KDM4C: variants seen among roughly 807,000 people sequenced by gnomAD.
The protein encoded by KDM4C is lysine demethylase 4C.
In KDM4C, 81 loss-of-function variants were observed where a neutral mutation model predicts 129.3. The observed-to-expected ratio is 0.63, with a 90% CI of 0.52 to 0.75. The LOEUF (loss-of-function observed/expected upper bound fraction) is 0.75, where lower values mean the gene tolerates loss of function less well. Ranked by LOEUF, KDM4C falls within the 30% of genes least tolerant of loss-of-function variation. The probability of loss-of-function intolerance (pLI) is 0.00; values close to 1 mark genes in which losing one functional copy is unlikely to be tolerated. For synonymous variants in KDM4C, 573 were observed against 456.1 expected (o/e 1.26, Z -3.26); for missense variants, 1,457 against 1,304.0 (o/e 1.12, Z -1.81).
intron 12 of KDM4C, among the ~76,000 whole-genome samples, chr9:7,006,220 C>T (rs1821646434): frequency 6.6e-6 from 1 of 152,140 alleles, no homozygotes; most frequent in African/African-American, 2.4e-5. Context: ...TTAAGATACT[C>T]AAAGTGAATT....
chr9:7,052,035 C>T (rs72703359), intron 17 of KDM4C, among the ~76,000 whole-genome samples: 1 of 152,070 alleles, frequency 6.6e-6, no homozygotes, highest in Non-Finnish European at 1.5e-5. Flanking sequence ...AAGATATAGA[C>T]AGAAAGAGAA....
intron 4 of KDM4C, chr9:6,835,103 A>G (rs576114385): frequency 2.7e-4 from 271 of 1,008,826 alleles, no homozygotes; most frequent in Middle Eastern, 1.7e-3. Flanking sequence ...AAGCTGTGCT[A>G]TGTTGCTCTG....
intron 5 of KDM4C, among the ~76,000 whole-genome samples, chr9:6,869,970 C>T (rs1236338013): frequency 6.6e-6 from 1 of 152,128 alleles, no homozygotes; most frequent in Non-Finnish European, 1.5e-5. Flanking sequence ...TTGTTAGCAC[C>T]ATAAGTAATG....
intron 13 of KDM4C, 52 bp from the exon 14 acceptor site, chr9:7,013,736 G>C (rs1823122040): frequency 6.5e-7 from 1 of 1,548,952 alleles, no homozygotes; most frequent in East Asian, 2.3e-5. Context: ...TGACTAGAAT[G>C]ATGAGCTCTT....
rs111580042 is a variant in KDM4C at position 6,740,969 on chromosome 9, C to G, written c.49+19972C>G. ...TCTCCTGAGTAGCTGGGACTACAGA[C>G]GCATGCCACCATGCCTGGCTAATTT... On this transcript the variant is annotated intron_variant, in intron 1 of 17. Coordinates refer to the KDM4C transcript ENST00000536108. 1.5e-3 allele frequency among the ~76,000 whole-genome samples: 225 copies of G among 151,424 alleles called. 2 individuals carry two copies. In the South Asian group the frequency reaches 0.015, roughly 10 times the overall value.
chr9:7,076,195 C>A (rs879454191), intron 17 of KDM4C, among the ~76,000 whole-genome samples: 2 of 152,076 alleles, frequency 1.3e-5, no homozygotes, highest in African/African-American at 2.4e-5. Context: ...GAAAAAAAAA[C>A]CCAAAATCTT....
chr9:6,758,318 G>A lies in KDM4C; in HGVS notation c.-18+115G>A. On this transcript the variant is annotated intron_variant, in intron 1 of 21. Transcript: ENST00000381309. The surrounding 1 kb of genome is among the most constrained non-coding windows in gnomAD (Gnocchi z 4.6). ...GGGTGCGGGCGTCCGGGCGAGCGGC[G>A]ACGCTGGGGCAGAGACGCTCCGTCC... 1.8e-6 allele frequency: 1 copy of A among 564,036 alleles called. No homozygotes were observed. The highest frequency in any genetic ancestry group is 2.2e-6 in the Non-Finnish European group (1 of 444,870). 34.9% of individuals were successfully genotyped at this position (564,036 alleles called of 1,614,324 possible).
rs1195854417 is a variant in KDM4C, at chr9:6,737,262, A to G, written c.49+16265A>G. On this transcript the variant is annotated intron_variant, in intron 1 of 17. Transcript: ENST00000536108. ...TAAAAAGACAACCTACAGACTGGGA[A>G]AAAATATTTGCAAACTATGCATCCA... Among the ~76,000 whole-genome samples, 4 of 152,188 alleles carry G rather than the reference A, an allele frequency of 2.6e-5. No individual in the cohort carries two copies. The East Asian group carries it at 5.8e-4, about 22-fold the overall frequency.
intron 18 of KDM4C, among the ~76,000 whole-genome samples, chr9:7,125,755 G>A (rs142282220): frequency 1.3e-5 from 2 of 152,304 alleles, no homozygotes; most frequent in African/African-American, 4.8e-5. Flanking sequence ...AGGTACAGAT[G>A]ACATGTCAGG....
At chr9:6,974,189 A>G (rs1563915667) in intron 8 of KDM4C, among the ~76,000 whole-genome samples, 1 of 152,234 alleles carries the variant, frequency 6.6e-6, no homozygotes, top group South Asian at 2.1e-4. Flanking sequence ...CTTACTTCCT[A>G]AGGTTCAGGA....
At chr9:6,865,901 C>T (rs1271184584) in intron 5 of KDM4C, among the ~76,000 whole-genome samples, 1 of 152,102 alleles carries the variant, frequency 6.6e-6, no homozygotes, top group East Asian at 1.9e-4. Flanking sequence ...CAGGCGCCCG[C>T]CACCACCATG....
At chr9:7,030,719 C>T (rs889423833) in intron 15 of KDM4C, among the ~76,000 whole-genome samples, 8 of 152,154 alleles carry the variant, frequency 5.3e-5, no homozygotes, top group Admixed American at 3.3e-4. Flanking sequence ...CATTTTATTT[C>T]AATATATGCC....
At chr9:7,048,803 A>G (rs1051704021) in intron 16 of KDM4C, among the ~76,000 whole-genome samples, 1 of 152,108 alleles carries the variant, frequency 6.6e-6, no homozygotes, top group Non-Finnish European at 1.5e-5. Flanking sequence ...AGAAACCCAC[A>G]TTTCAGTATT....
intron 8 of KDM4C, among the ~76,000 whole-genome samples, chr9:6,895,007 C>G (rs1238085030): frequency 6.6e-6 from 1 of 152,118 alleles, no homozygotes; most frequent in Non-Finnish European, 1.5e-5. Flanking sequence ...GTTCTGGGTA[C>G]AAAATATTCA....
chr9:6,942,937 C>T (rs1826222710), intron 8 of KDM4C, among the ~76,000 whole-genome samples: 2 of 152,160 alleles, frequency 1.3e-5, no homozygotes, highest in South Asian at 2.1e-4. Flanking sequence ...ATGATCACGG[C>T]CCCTTGTAGC....
At chr9:6,925,262 G>A (rs879457562) in intron 8 of KDM4C, 97 of 985,194 alleles carry the variant, frequency 9.8e-5, no homozygotes, top group Non-Finnish European at 1.1e-4. Context: ...GAACAGCATT[G>A]TAGGAGGTAG....
intron 1 of KDM4C, among the ~76,000 whole-genome samples, chr9:6,734,278 C>A (rs1271203980): frequency 5.3e-5 from 8 of 149,706 alleles, no homozygotes; most frequent in Non-Finnish European, 1.0e-4. Flanking sequence ...GTTATGTAAA[C>A]CCATGTTTGG....
intron 8 of KDM4C, among the ~76,000 whole-genome samples, chr9:6,894,335 C>G (rs535716850): frequency 1.3e-5 from 2 of 152,288 alleles, no homozygotes; most frequent in South Asian, 2.1e-4. Flanking sequence ...TCTGTTTATG[C>G]TGAGTAATTC....
At chr9:7,123,464 G>A (rs977505644) in intron 18 of KDM4C, among the ~76,000 whole-genome samples, 1 of 152,144 alleles carries the variant, frequency 6.6e-6, no homozygotes, top group African/African-American at 2.4e-5. Flanking sequence ...GCCCTTTTCT[G>A]GACAGGAGCA....
Sources: allele counts gnomAD v4.1 joint callset (sites outside exome capture counted in the v4.1 genomes callset), GRCh38; gene constraint gnomAD v4.1.1; non-coding constraint Gnocchi (gnomAD v3.1); transcripts MANE v1.5; gene names NCBI Gene and HGNC (gene_info 2026-07-23, HGNC 2026-07-21).